Variants in EPHA5 observed in about 807,000 individuals in gnomAD.
EPHA5 encodes the protein ephrin type-A receptor 5.
EPHA5 carries 60 observed loss-of-function variants against 105.0 expected under a neutral mutation model. That is an observed-to-expected ratio of 0.57 (90% CI 0.46 to 0.71). The LOEUF is 0.71. Ranked by LOEUF, EPHA5 falls within the 30% of genes least tolerant of loss-of-function variation. The probability of loss-of-function intolerance (pLI) is 0.00; values close to 1 mark genes in which losing one functional copy is unlikely to be tolerated. For synonymous variants in EPHA5, 513 were observed against 449.1 expected, an observed-to-expected ratio of 1.14 and a Z score of -1.80; for missense variants, 1,218 against 1,274.7, an observed-to-expected ratio of 0.96 and a Z score of 0.68.
chr4:65,554,095 AT>A lies in EPHA5; in HGVS notation c.910+47545del, dbSNP rs1471272229. 3.3e-5 allele frequency among the ~76,000 whole-genome samples: 5 copies of A among 151,616 alleles called. No individual in the cohort carries two copies. The East Asian group carries it at 7.7e-4, about 23-fold the overall frequency. ...TTCAGTGTTCATTTCAAAATGTACT[AT>A]TATTTTCCCCTTGTGTTTCTTATTT... On this transcript the variant is annotated intron_variant, in intron 3 of 16. Coordinates refer to ENST00000613740, the MANE Select transcript of EPHA5 (RefSeq NM_001281766.3).
At chr4:65,337,538 T>G (rs2148817189) in intron 14 of EPHA5, among the ~76,000 whole-genome samples, 1 of 152,254 alleles carries the variant, frequency 6.6e-6, no homozygotes, top group East Asian at 1.9e-4. Flanking sequence ...GGAAAGAAGA[T>G]TAAACGGTAC....
intron 5 of EPHA5, among the ~76,000 whole-genome samples, chr4:65,470,410 T>C (rs1729172801): frequency 6.6e-6 from 1 of 152,138 alleles, no homozygotes; most frequent in Non-Finnish European, 1.5e-5. Context: ...CAGGCTAGTC[T>C]GAAACTCCTG....
chr4:65,369,710 G>T (rs953452724), intron 8 of EPHA5, among the ~76,000 whole-genome samples: 10 of 152,104 alleles, frequency 6.6e-5, no homozygotes, highest in Admixed American at 1.3e-4. Flanking sequence ...GCTCACGCTT[G>T]TAATCCCAGC....
At chr4:65,520,374 A>C (rs943072074) in intron 3 of EPHA5, among the ~76,000 whole-genome samples, 4 of 152,204 alleles carry the variant, frequency 2.6e-5, no homozygotes, top group Non-Finnish European at 5.9e-5. Flanking sequence ...TACAAAAATT[A>C]ATTCAAGATG....
At chr4:65,326,282 G>C (rs1720073872) in intron 16 of EPHA5, among the ~76,000 whole-genome samples, 1 of 150,950 alleles carries the variant, frequency 6.6e-6, no homozygotes, top group South Asian at 2.1e-4. Flanking sequence ...AACCAAGTTA[G>C]GGCTAATATC....
intron 5 of EPHA5, among the ~76,000 whole-genome samples, chr4:65,445,781 A>T (rs1356451740): frequency 6.6e-6 from 1 of 152,166 alleles, no homozygotes; most frequent in Non-Finnish European, 1.5e-5. Flanking sequence ...TATACGTCAA[A>T]CTACTTCAAA....
intron 8 of EPHA5, among the ~76,000 whole-genome samples, chr4:65,383,252 C>A (rs550709059): frequency 6.9e-6 from 1 of 145,524 alleles, no homozygotes; most frequent in African/African-American, 2.5e-5. Context: ...CACACATATA[C>A]ATTAATCAGG....
At chr4:65,408,208 G>A (rs1253010718) in intron 7 of EPHA5, among the ~76,000 whole-genome samples, 1 of 152,020 alleles carries the variant, frequency 6.6e-6, no homozygotes, top group Non-Finnish European at 1.5e-5. Context: ...ATGCCTTCAT[G>A]CTTGTTGGTT....
intron 5 of EPHA5, among the ~76,000 whole-genome samples, chr4:65,447,679 T>A (rs59702438): frequency 0.059 from 8,979 of 151,938 alleles, 883 homozygotes; most frequent in African/African-American, 0.2. Flanking sequence ...AATGTTAAAT[T>A]ATTTACCACA....
intron 8 of EPHA5, among the ~76,000 whole-genome samples, chr4:65,369,481 C>T (rs1030166033): frequency 5.9e-5 from 9 of 151,998 alleles, no homozygotes; most frequent in East Asian, 1.9e-4. Context: ...TGAGAACTAC[C>T]GTGTGACGTA....
At chr4:65,347,024 T>C (rs1049572607) in intron 14 of EPHA5, among the ~76,000 whole-genome samples, 4 of 152,102 alleles carry the variant, frequency 2.6e-5, no homozygotes, top group African/African-American at 4.8e-5. Context: ...CACTTTTAGG[T>C]TGGACTCGAA....
chr4:65,591,392 T>A (rs1578515072), intron 3 of EPHA5, among the ~76,000 whole-genome samples: 1 of 152,032 alleles, frequency 6.6e-6, no homozygotes. Context: ...CTGAGTTGAC[T>A]GATGAAATAA....
At chr4:65,568,919 A>G (rs1431517170) in intron 3 of EPHA5, among the ~76,000 whole-genome samples, 1 of 151,094 alleles carries the variant, frequency 6.6e-6, no homozygotes, top group Admixed American at 6.6e-5. Flanking sequence ...TCTAAAACTC[A>G]GTGTGACCAA....
chr4:65,348,098 C>G lies in EPHA5; in HGVS notation c.2551G>C (p.Val851Leu), dbSNP rs1000101272. 12 of 1,612,866 alleles carry G rather than the reference C, an allele frequency of 7.4e-6. No homozygotes were observed. The highest frequency in any genetic ancestry group is 1.0e-5 in the Non-Finnish European group (12 of 1,179,400). ...CAGTAGGGTCTCTCTCCATAAGACA[C>G]AACTTCCCACATTACTATTCCATAA... is the stretch of plus-strand genomic sequence containing the variant. ...WSYGIVMWEV[V>L]SYGERPYWEM... The change falls in exon 14 of 17, where the codon GTG (valine) becomes CTG (leucine). Residue 851 changes from valine (V) to leucine (L), a missense_variant. Coordinates refer to ENST00000613740, the MANE Select transcript of EPHA5 (RefSeq NM_001281766.3).
Position 65,526,227 on chromosome 4 carries a change from T to C in EPHA5, c.911-30684A>G, listed in dbSNP as rs1578337106. Among the ~76,000 whole-genome samples the C allele has an allele frequency of 2.0e-5, 3 of 151,864 alleles. No individual in the cohort carries two copies. The East Asian group carries it at 5.8e-4, about 29-fold the overall frequency. On this transcript the variant is annotated intron_variant, in intron 3 of 16. Coordinates refer to ENST00000613740, the MANE Select transcript of EPHA5 (RefSeq NM_001281766.3). Reference sequence around the variant, plus strand: ...ATATAAAGGGAAAGGACTATAATTGTCCCAGACTTTTCAGTACATATGATT... The same window carrying C: ...ATATAAAGGGAAAGGACTATAATTGCCCCAGACTTTTCAGTACATATGATT...
intron 8 of EPHA5, among the ~76,000 whole-genome samples, chr4:65,388,940 G>T (rs972573883): frequency 1.3e-4 from 19 of 151,792 alleles, no homozygotes; most frequent in African/African-American, 4.4e-4. Context: ...GGGTTTTTAT[G>T]GTTTTAGGTC....
chr4:65,578,013 G>A (rs2149391824), intron 3 of EPHA5, among the ~76,000 whole-genome samples: 1 of 152,244 alleles, frequency 6.6e-6, no homozygotes, highest in East Asian at 1.9e-4. Flanking sequence ...CTGAATAAGT[G>A]AATACAAGTT....
intron 3 of EPHA5, among the ~76,000 whole-genome samples, chr4:65,565,679 A>C (rs899589925): frequency 6.6e-5 from 10 of 151,612 alleles, no homozygotes; most frequent in Non-Finnish European, 7.4e-5. Context: ...AATAGCAGAC[A>C]AAAATAGCCA....
chr4:65,560,202 A>G (rs1738865688), intron 3 of EPHA5, among the ~76,000 whole-genome samples: 1 of 152,176 alleles, frequency 6.6e-6, no homozygotes, highest in African/African-American at 2.4e-5. Flanking sequence ...GAAAAATGAT[A>G]ATTTGACAAT....
Sources: allele counts gnomAD v4.1 joint callset (sites outside exome capture counted in the v4.1 genomes callset), GRCh38; gene constraint gnomAD v4.1.1; transcripts MANE v1.5; gene names NCBI Gene and HGNC (gene_info 2026-07-23, HGNC 2026-07-21).